TECPR1: variants seen among roughly 807,000 people sequenced by gnomAD.
TECPR1 encodes the protein tectonin beta-propeller repeat-containing protein 1.
In TECPR1, 122 loss-of-function variants were observed where a neutral mutation model predicts 162.4. That is an observed-to-expected ratio of 0.75 (90% CI 0.65 to 0.87). TECPR1 has a LOEUF of 0.87. Among genes scored for constraint, TECPR1 ranks in the 40% least tolerant of loss-of-function variants. TECPR1 has a pLI of 0.00. For missense variants in TECPR1, 1,432 were observed against 1,618.2 expected, an observed-to-expected ratio of 0.88 and a Z score of 1.97; for synonymous variants, 642 against 670.6, an observed-to-expected ratio of 0.96 and a Z score of 0.66.
Position 98,217,412 on chromosome 7 carries a change from G to A in TECPR1, c.3476C>T (p.Ala1159Val). The A allele has an allele frequency of 6.2e-7, 1 of 1,601,890 alleles. No homozygotes were observed. Among genetic ancestry groups the A allele is most frequent in the South Asian group, 1.1e-5 (1 of 89,986 alleles). The change falls in exon 26 of 26, where the codon GCC becomes GTC. Residue 1159 changes from alanine (A) to valine (V), a missense_variant. By Grantham distance (64) the Ala-to-Val change is moderately conservative. Coordinates refer to ENST00000447648, the MANE Select transcript of TECPR1 (RefSeq NM_015395.3). The part of the protein sequence containing the change: ...QEQEPSAPPE[A>V]HGPVCC ...GCCTCAGCAGCAGACGGGGCCATGG[G>A]CCTCTGGTGGGGCACTCGGCTCCTG...
Position 98,233,467 on chromosome 7 carries a change from G to A in TECPR1, c.1626C>T (p.Cys542=), listed in dbSNP as rs773931837. 3.2e-5 allele frequency: 47 copies of A among 1,478,288 alleles called. No individual in the cohort carries two copies. Among genetic ancestry groups the A allele is most frequent in the Non-Finnish European group, 3.9e-5 (44 of 1,116,504 alleles). 91.6% of individuals were successfully genotyped at this position (1,478,288 alleles called of 1,614,324 possible). A position where few individuals can be genotyped will look rare whatever the true frequency, so the allele number is the denominator to read the frequency against. Residue 542 remains cysteine (C), a synonymous_variant, in exon 11 of 26, where the codon TGC becomes TGT. Transcript: ENST00000447648. The stretch of plus-strand genomic sequence containing the variant: ...TGGGCATGGCACATGCCTCCACCAC[G>A]CAGCCGCCTCCCGACACCCAGGCCC... ...PLWAWVSGGG[C]VVEACAMPRW...
intron 19 of TECPR1, among the ~76,000 whole-genome samples, chr7:98,224,348 A>G (rs1294851025): frequency 6.6e-6 from 1 of 152,184 alleles, no homozygotes; most frequent in Admixed American, 6.5e-5. Context: ...AGGGGCTCAC[A>G]CTGCCCCTTC....
chr7:98,223,871 C>T, intron 19 of TECPR1, 153 bp from the exon 20 acceptor site: 6 of 785,530 alleles, frequency 7.6e-6, no homozygotes, highest in South Asian at 3.4e-5. Context: ...TCACCACGCG[C>T]GGCTCTCAGG....
At chr7:98,224,646 C>T (rs1430281360) in intron 19 of TECPR1, among the ~76,000 whole-genome samples, 155 bp downstream of exon 19, 3 of 152,194 alleles carry the variant, frequency 2.0e-5, no homozygotes, top group Non-Finnish European at 4.4e-5. Context: ...TGGCTCCTCC[C>T]CCTCCAGTAG....
rs967583018 is a variant in TECPR1, at chr7:98,246,169, C to T, written c.-19-4G>A. 9 of 1,531,232 alleles carry T rather than the reference C, an allele frequency of 5.9e-6. No individual in the cohort carries two copies. Among genetic ancestry groups the T allele is most frequent in the East Asian group, 2.5e-5 (1 of 40,444 alleles). 94.9% of individuals were successfully genotyped at this position (1,531,232 alleles called of 1,614,324 possible). On this transcript the variant is annotated splice_region_variant and splice_polypyrimidine_tract_variant and intron_variant, in intron 2 of 25. Transcript: ENST00000447648. ...CATGGCAGCGGCTGGAGGTAACCTGCGGCAGGAGGACGAGGGCCAGCGTTC... is the reference window on the plus strand; with the variant it reads ...CATGGCAGCGGCTGGAGGTAACCTGTGGCAGGAGGACGAGGGCCAGCGTTC...
chr7:98,223,748 C>A (rs1798204247), intron 19 of TECPR1, 30 bp from the exon 20 acceptor site: 1 of 1,612,740 alleles, frequency 6.2e-7, no homozygotes, highest in African/African-American at 1.3e-5. Context: ...GAAATCAGGG[C>A]CACTTCGTGG....
intron 17 of TECPR1, chr7:98,226,430 G>C: frequency 1.0e-6 from 1 of 985,222 alleles, no homozygotes; most frequent in Non-Finnish European, 1.2e-6. Flanking sequence ...AGATACACTG[G>C]GTCCACTCTG....
chr7:98,235,230 GAACT>G (rs1798561752), intron 10 of TECPR1, among the ~76,000 whole-genome samples: 1 of 152,114 alleles, frequency 6.6e-6, no homozygotes, highest in African/African-American at 2.4e-5. Flanking sequence ...TCCAGTTTAA[GAACT>G]AACAGCTGGG....
rs576877534 is a variant in TECPR1 at position 98,223,500 on chromosome 7, C to G, written c.2747+162G>C. ...GGCATTTCCTGGGCTGACATTTACT[C>G]AGATTCGGCTTCCCTCTTCACCCTA... On this transcript the variant is annotated intron_variant, in intron 20 of 25. Transcript: ENST00000447648. 2.0e-3 allele frequency among the ~76,000 whole-genome samples: 303 copies of G among 152,288 alleles called. 1 individual carries two copies. The highest frequency in any genetic ancestry group is 2.4e-3 in the Non-Finnish European group (162 of 68,022).
chr7:98,227,726 G>A (rs540865100), intron 17 of TECPR1, among the ~76,000 whole-genome samples: 1 of 150,076 alleles, frequency 6.7e-6, no homozygotes, highest in South Asian at 2.1e-4. Context: ...GGAGGCTGAG[G>A]CAGGAGAATT....
At chr7:98,247,683 CTCT>C (rs1798947890) in intron 2 of TECPR1, among the ~76,000 whole-genome samples, 1 of 152,084 alleles carries the variant, frequency 6.6e-6, no homozygotes, top group South Asian at 2.1e-4. Context: ...TCCCCCGGCT[CTCT>C]TCTTCTGCCA....
intron 17 of TECPR1, among the ~76,000 whole-genome samples, chr7:98,225,608 TTC>T (rs1271855118): frequency 2.0e-5 from 3 of 151,838 alleles, no homozygotes; most frequent in African/African-American, 7.3e-5. Context: ...GGAAAAGACT[TTC>T]TTTCTCTCTT....
intron 3 of TECPR1, among the ~76,000 whole-genome samples, chr7:98,245,392 C>T (rs1798879151): frequency 6.6e-6 from 1 of 152,234 alleles, no homozygotes; most frequent in Non-Finnish European, 1.5e-5. Flanking sequence ...TCGTGGGGAC[C>T]TGGCCAGACT....
At chr7:98,220,415 G>C in intron 23 of TECPR1, among the ~76,000 whole-genome samples, 1 of 152,002 alleles carries the variant, frequency 6.6e-6, no homozygotes, top group Admixed American at 6.5e-5. Flanking sequence ...TATTTTTTGA[G>C]ACAGAGTCTT....
intron 23 of TECPR1, among the ~76,000 whole-genome samples, chr7:98,220,139 C>T (rs145452014): frequency 3.3e-5 from 5 of 151,424 alleles, no homozygotes; most frequent in African/African-American, 7.3e-5. Context: ...GTCAGGAGTT[C>T]GAGACCAGCC....
Position 98,232,321 on chromosome 7 carries a change from A to G in TECPR1, c.1819-362T>C, listed in dbSNP as rs923446459. 1.3e-5 allele frequency among the ~76,000 whole-genome samples: 2 copies of G among 152,074 alleles called. No homozygotes were observed. The highest frequency in any genetic ancestry group is 1.3e-4 in the Admixed American group (2 of 15,264). On this transcript the variant is annotated intron_variant, in intron 12 of 25. Coordinates refer to ENST00000447648, the MANE Select transcript of TECPR1 (RefSeq NM_015395.3). This position sits in a 1 kb window ranked among gnomAD's most constrained non-coding sequence, Gnocchi z 4.6. ...CCCAAACCACAGCCTACTTGTGTCC[A>G]GGGGCCTTTGGAATGAGGCAGGTCA...
intron 16 of TECPR1, 43 bp from the exon 17 acceptor site, chr7:98,228,159 C>G (rs1414248586): frequency 6.9e-7 from 1 of 1,443,308 alleles, no homozygotes; most frequent in Middle Eastern, 1.9e-4. Flanking sequence ...CACATACGCT[C>G]CGCTTGGGAC....
In TECPR1 at chr7:98,237,800, A is replaced by G. The variant is rs150169942; in HGVS notation, c.1035+709T>C. ...TGGTTTTTTTTAGAGATAGGATCTC[A>G]CTCTGTCACCCAGGCTGGAGTGCGG... On this transcript the variant is annotated intron_variant, in intron 9 of 25. Coordinates refer to ENST00000447648, the MANE Select transcript of TECPR1 (RefSeq NM_015395.3). Among the ~76,000 whole-genome samples the G allele has an allele frequency of 5.3e-4, 72 of 136,150 alleles. 1 individual carries two copies. In the East Asian group the frequency reaches 0.016, roughly 30 times the overall value. The allele number at this position is 136,150 out of a possible 152,430, so 89.3% of individuals were successfully genotyped here.
At chr7:98,246,943 G>A (rs1798927135) in intron 2 of TECPR1, among the ~76,000 whole-genome samples, 1 of 151,530 alleles carries the variant, frequency 6.6e-6, no homozygotes, top group Non-Finnish European at 1.5e-5. Flanking sequence ...TTCAAGACCA[G>A]CCTGGTCAAC....
Sources: allele counts gnomAD v4.1 joint callset (sites outside exome capture counted in the v4.1 genomes callset), GRCh38; gene constraint gnomAD v4.1.1; non-coding constraint Gnocchi (gnomAD v3.1); transcripts MANE v1.5; gene names NCBI Gene and HGNC (gene_info 2026-07-23, HGNC 2026-07-21).